The following INTS7 variants were observed in gnomAD, a reference collection of about 807,000 sequenced individuals.
INTS7 encodes chromosome 1 open reading frame 73.
INTS7 carries 46 observed loss-of-function variants against 109.2 expected under a neutral mutation model. That is an observed-to-expected ratio of 0.42 (90% confidence interval 0.33 to 0.54). The LOEUF (loss-of-function observed/expected upper bound fraction) is 0.54. Among genes scored for constraint, INTS7 ranks in the 20% least tolerant of loss-of-function variants. The pLI is 0.07. For synonymous variants in INTS7, 412 were observed against 402.9 expected, an observed-to-expected ratio of 1.02 and a Z score of -0.27; for missense variants, 929 against 1,132.4, an observed-to-expected ratio of 0.82 and a Z score of 2.58.
intron 16 of INTS7, among the ~76,000 whole-genome samples, chr1:211,956,296 G>A (rs1301452735): frequency 6.6e-6 from 1 of 152,046 alleles, no homozygotes; most frequent in Non-Finnish European, 1.5e-5. Context: ...ATTAAGTCTT[G>A]AAACCAGTAG....
intron 13 of INTS7, among the ~76,000 whole-genome samples, chr1:211,972,086 A>G (rs1469393661): frequency 2.0e-5 from 3 of 152,056 alleles, no homozygotes; most frequent in Non-Finnish European, 2.9e-5. Context: ...TCTCTTTAGG[A>G]GACAGTGTCT....
At chr1:211,988,628 T>A (rs1158956374) in intron 7 of INTS7, among the ~76,000 whole-genome samples, 2 of 152,198 alleles carry the variant, frequency 1.3e-5, no homozygotes, top group African/African-American at 4.8e-5. Flanking sequence ...ACTATACTAT[T>A]GTAACATGTC....
intron 19 of INTS7, 147 bp downstream of exon 19, chr1:211,944,637 A>G (rs1662772125): frequency 1.5e-6 from 1 of 646,024 alleles, no homozygotes. Flanking sequence ...AACCCCTTAC[A>G]GCCCCAATGT....
chr1:211,964,263 C>A (rs79679951), intron 16 of INTS7, among the ~76,000 whole-genome samples: 11,072 of 152,024 alleles, frequency 0.073, 538 homozygotes, highest in South Asian at 0.16. Context: ...AATAAAATAC[C>A]TAGGAATACA....
intron 17 of INTS7, among the ~76,000 whole-genome samples, chr1:211,950,833 A>G (rs1447454512): frequency 1.3e-5 from 2 of 152,186 alleles, no homozygotes; most frequent in East Asian, 1.9e-4. Flanking sequence ...GTTATATTCA[A>G]TTCCATCAAA....
chr1:211,956,976 T>C (rs577640943), intron 16 of INTS7, among the ~76,000 whole-genome samples: 1 of 152,364 alleles, frequency 6.6e-6, no homozygotes, highest in African/African-American at 2.4e-5. Context: ...GATAAATTTA[T>C]GTTTAACTTT....
At chr1:211,977,939 G>A (rs1664491026) in intron 11 of INTS7, among the ~76,000 whole-genome samples, 1 of 152,060 alleles carries the variant, frequency 6.6e-6, no homozygotes. Context: ...GTATAAGAAA[G>A]ATAAAAATTT....
chr1:211,965,041 T>TAG (rs1205765332), intron 16 of INTS7, among the ~76,000 whole-genome samples: 12 of 151,874 alleles, frequency 7.9e-5, no homozygotes, highest in Non-Finnish European at 1.8e-4. Context: ...GGGAGAAAAT[T>TAG]TTTCTAACTA....
At chr1:211,944,478 CA>C (rs1468588685) in intron 19 of INTS7, among the ~76,000 whole-genome samples, 1 of 152,134 alleles carries the variant, frequency 6.6e-6, no homozygotes, top group African/African-American at 2.4e-5. Flanking sequence ...AAATCCAATT[CA>C]GGGGTCTACG....
chr1:211,946,620 G>T lies in INTS7; in HGVS notation c.2402C>A (p.Ser801Tyr). The T allele has an allele frequency of 6.2e-7, 1 of 1,601,696 alleles. No individual in the cohort carries two copies. The highest frequency in any genetic ancestry group is 1.1e-5 in the South Asian group (1 of 90,740). ...TTCCTGTATTACCTTGATGCTGGTA[G>T]ACTGTAGTTTCTGGAAAAAATATCT... ...FQRYFFQKLQSTSIKLALSPS... is the reference protein window; with the variant it reads ...FQRYFFQKLQYTSIKLALSPS... Residue 801 changes from serine (S) to tyrosine (Y), a missense_variant, in exon 18 of 20, where the codon TCT (serine) becomes TAT (tyrosine). Physicochemically the swap from Ser to Tyr is moderately radical, Grantham distance 144 (BLOSUM62 -2). This residue lies in a region of INTS7 where 787 missense variants were observed against 901.1 expected (regional missense o/e 0.87). Transcript: ENST00000366994. This position sits in a 1 kb window ranked among gnomAD's most constrained non-coding sequence, Gnocchi z 4.3.
intron 1 of INTS7, 42 bp downstream of exon 1, chr1:212,035,302 C>T (rs1290745902): frequency 2.2e-6 from 3 of 1,346,376 alleles, no homozygotes; most frequent in Admixed American, 3.4e-5. Context: ...CGCCACTTCC[C>T]CCCACGCCTG....
At chr1:212,018,525 T>C (rs1227381996) in intron 3 of INTS7, among the ~76,000 whole-genome samples, 3 of 150,630 alleles carry the variant, frequency 2.0e-5, no homozygotes, top group Non-Finnish European at 1.5e-5. Context: ...ACCATGTTTG[T>C]GAAAACCAAT....
chr1:211,952,556 A>T lies in INTS7; in HGVS notation c.2316+13T>A, dbSNP rs1470427887. The stretch of plus-strand genomic sequence containing the variant: ...CCATACAATAAAAGCTCAATAAAAC[A>T]AATGCCACTTGCCATATAAGAAACA... On this transcript the variant is annotated intron_variant, in intron 17 of 19. Transcript: ENST00000366994. 6.2e-7 allele frequency: 1 copy of T among 1,610,368 alleles called. No homozygotes were observed. Among genetic ancestry groups the T allele is most frequent in the African/African-American group, 1.3e-5 (1 of 74,806 alleles).
Position 212,024,487 on chromosome 1 carries a change from T to C in INTS7, c.95-3275A>G, listed in dbSNP as rs527907640. Among the ~76,000 whole-genome samples the C allele has an allele frequency of 2.0e-4, 31 of 152,344 alleles. No homozygotes were observed. In the South Asian group the frequency reaches 6.4e-3, roughly 32 times the overall value. ...TCTTTCTTAATGCAGGTAAACATAC[T>C]ATATACATAGCAATACTACTTTCAG... is the stretch of plus-strand genomic sequence containing the variant. On this transcript the variant is annotated intron_variant, in intron 1 of 19. Transcript: ENST00000366994.
intron 13 of INTS7, among the ~76,000 whole-genome samples, chr1:211,968,931 T>G (rs1664033121): frequency 6.6e-6 from 1 of 152,168 alleles, no homozygotes; most frequent in Non-Finnish European, 1.5e-5. Context: ...ATTCAAAGGT[T>G]CCTTACTGCC....
At chr1:212,008,586 G>A (rs929605970) in intron 5 of INTS7, among the ~76,000 whole-genome samples, 6 of 152,118 alleles carry the variant, frequency 3.9e-5, no homozygotes, top group Admixed American at 6.6e-5. Context: ...CCACCCATCC[G>A]TCCTCCTGCC....
At chr1:211,992,681 TTAAAAA>T (rs1665196335) in intron 7 of INTS7, among the ~76,000 whole-genome samples, 1 of 152,110 alleles carries the variant, frequency 6.6e-6, no homozygotes, top group South Asian at 2.1e-4. Context: ...AGACTCTGTC[TTAAAAA>T]TAATAATAAT....
At chr1:212,010,921 A>C (rs1262427001) in intron 5 of INTS7, among the ~76,000 whole-genome samples, 2 of 152,294 alleles carry the variant, frequency 1.3e-5, no homozygotes, top group Admixed American at 6.5e-5. Flanking sequence ...GCAAGACTAT[A>C]TCTGCATGGC....
At chr1:211,973,633 T>C (rs556484591) in intron 13 of INTS7, among the ~76,000 whole-genome samples, 37 of 152,048 alleles carry the variant, frequency 2.4e-4, no homozygotes, top group Admixed American at 3.9e-4. Context: ...ACTTACCAAA[T>C]GAACAGGTTA....
Sources: allele counts gnomAD v4.1 joint callset (sites outside exome capture counted in the v4.1 genomes callset), GRCh38; gene constraint gnomAD v4.1.1; regional missense constraint gnomAD v4.1.1; non-coding constraint Gnocchi (gnomAD v3.1); transcripts MANE v1.5; gene names NCBI Gene and HGNC (gene_info 2026-07-23, HGNC 2026-07-21).